The following TRDN variants were observed in gnomAD, a reference collection of about 807,000 sequenced individuals.
TRDN encodes triadin in skeletal muscle.
In TRDN, 161 loss-of-function variants were observed where a neutral mutation model predicts 149.7. That is an observed-to-expected ratio of 1.08 (90% confidence interval 0.95 to 1.23). The LOEUF (loss-of-function observed/expected upper bound fraction) is 1.23, where lower values mean the gene tolerates loss of function less well. Ranked by LOEUF, TRDN falls within the 50% of genes most tolerant of loss-of-function variation. The pLI is 0.00. For synonymous variants in TRDN, 294 were observed against 250.5 expected, an observed-to-expected ratio of 1.17 and a Z score of -1.64; for missense variants, 896 against 823.5, an observed-to-expected ratio of 1.09 and a Z score of -1.08.
intron 27 of TRDN, among the ~76,000 whole-genome samples, 167 bp downstream of exon 27, chr6:123,274,474 A>T (rs1030186945): frequency 6.6e-6 from 1 of 152,028 alleles, no homozygotes; most frequent in African/African-American, 2.4e-5. Context: ...TCCCATTCTC[A>T]CCTAATCCAG....
At chr6:123,382,676 T>G (rs1407638821) in intron 14 of TRDN, among the ~76,000 whole-genome samples, 2 of 152,028 alleles carry the variant, frequency 1.3e-5, no homozygotes, top group Non-Finnish European at 2.9e-5. Flanking sequence ...AGATTACTGT[T>G]GACTCATGGG....
chr6:123,220,745 G>A (rs1775117313), intron 40 of TRDN, among the ~76,000 whole-genome samples: 1 of 151,718 alleles, frequency 6.6e-6, no homozygotes, highest in Non-Finnish European at 1.5e-5. Flanking sequence ...AAGCACTGGA[G>A]AATCAAGAGA....
At chr6:123,556,649 TTCC>T (rs1177259583) in intron 2 of TRDN, among the ~76,000 whole-genome samples, 1 of 151,664 alleles carries the variant, frequency 6.6e-6, no homozygotes, top group East Asian at 1.9e-4. Flanking sequence ...CTTCTTCTTC[TTCC>T]TCTTCCTCTT....
At chr6:123,225,356 T>C (rs1329166540) in intron 38 of TRDN, among the ~76,000 whole-genome samples, 1 of 151,682 alleles carries the variant, frequency 6.6e-6, no homozygotes, top group Non-Finnish European at 1.5e-5. Flanking sequence ...TATTTATTTA[T>C]TTTACCACTA....
chr6:123,525,234 A>T (rs1293680631), intron 5 of TRDN, among the ~76,000 whole-genome samples: 11 of 152,048 alleles, frequency 7.2e-5, no homozygotes, highest in Non-Finnish European at 1.2e-4. Flanking sequence ...ATCATTATAT[A>T]AAAAAGACAC....
chr6:123,462,063 T>C (rs979463207), intron 10 of TRDN, among the ~76,000 whole-genome samples: 12 of 152,196 alleles, frequency 7.9e-5, no homozygotes, highest in Admixed American at 2.0e-4. Context: ...TTTACAACAA[T>C]GACCACAATG....
intron 24 of TRDN, among the ~76,000 whole-genome samples, chr6:123,305,000 A>G (rs1778556870): frequency 6.6e-6 from 1 of 152,184 alleles, no homozygotes; most frequent in South Asian, 2.1e-4. Flanking sequence ...AAATTTAAAA[A>G]CTATTTGCAA....
At chr6:123,579,295 A>T (rs2114571538) in intron 1 of TRDN, among the ~76,000 whole-genome samples, 1 of 152,224 alleles carries the variant, frequency 6.6e-6, no homozygotes, top group East Asian at 1.9e-4. Context: ...GATGGCTCTT[A>T]TTATTTTGAG....
intron 9 of TRDN, among the ~76,000 whole-genome samples, chr6:123,481,199 T>A (rs1777731851): frequency 6.6e-6 from 1 of 152,076 alleles, no homozygotes; most frequent in Non-Finnish European, 1.5e-5. Context: ...ATTTGTGCTG[T>A]GAAGTATGAG....
chr6:123,237,837 A>G (rs1366149404), intron 38 of TRDN, among the ~76,000 whole-genome samples: 1 of 152,206 alleles, frequency 6.6e-6, no homozygotes, highest in East Asian at 1.9e-4. Context: ...CCAACAAACT[A>G]TAGTAACACT....
intron 2 of TRDN, among the ~76,000 whole-genome samples, chr6:123,559,116 C>A (rs889534929): frequency 6.6e-6 from 1 of 152,204 alleles, no homozygotes; most frequent in Non-Finnish European, 1.5e-5. Context: ...CTGACACTGC[C>A]CGATCACCTC....
chr6:123,342,827 C>T (rs1031740004), intron 21 of TRDN, among the ~76,000 whole-genome samples: 5 of 152,014 alleles, frequency 3.3e-5, no homozygotes, highest in South Asian at 2.1e-4. Flanking sequence ...CAAATAACAT[C>T]AATGTTCTTC....
At chr6:123,260,193 A>C (rs1260111350) in intron 34 of TRDN, among the ~76,000 whole-genome samples, 1 of 152,050 alleles carries the variant, frequency 6.6e-6, no homozygotes, top group Non-Finnish European at 1.5e-5. Flanking sequence ...AAAAAAAACT[A>C]CATGTTACAT....
intron 1 of TRDN, among the ~76,000 whole-genome samples, chr6:123,623,032 C>T (rs1312757274): frequency 1.3e-5 from 2 of 152,124 alleles, no homozygotes; most frequent in African/African-American, 2.4e-5. Flanking sequence ...TCAAATTATG[C>T]TGTCACTTTG....
intron 24 of TRDN, among the ~76,000 whole-genome samples, chr6:123,312,872 C>A (rs1218549097): frequency 6.6e-6 from 1 of 151,900 alleles, no homozygotes; most frequent in East Asian, 1.9e-4. Flanking sequence ...TATCTTACCA[C>A]TTGTTTGTAA....
intron 5 of TRDN, among the ~76,000 whole-genome samples, chr6:123,524,419 A>G (rs919456818): frequency 6.6e-6 from 1 of 152,178 alleles, no homozygotes; most frequent in African/African-American, 2.4e-5. Context: ...GATGGCTTAA[A>G]TAGAATGCTA....
intron 1 of TRDN, among the ~76,000 whole-genome samples, chr6:123,634,489 G>A (rs1786188449): frequency 6.6e-6 from 1 of 151,720 alleles, no homozygotes; most frequent in Non-Finnish European, 1.5e-5. Context: ...TATAGCAGAT[G>A]AGATAAAATA....
In TRDN at chr6:123,394,085, A is replaced by C. The variant is rs559273082; in HGVS notation, c.1052-408T>G. On this transcript the variant is annotated intron_variant, in intron 12 of 40. Coordinates refer to ENST00000334268, the MANE Select transcript of TRDN (RefSeq NM_006073.4). Reference sequence around the variant, plus strand: ...AGGTCCCTTAGTGACTAATGTGAGAATAAAGCCTGAAACAACCAATCCCAA... The same window carrying C: ...AGGTCCCTTAGTGACTAATGTGAGACTAAAGCCTGAAACAACCAATCCCAA... Among the ~76,000 whole-genome samples, 5 of 152,286 alleles carry C rather than the reference A, an allele frequency of 3.3e-5. No individual in the cohort carries two copies. In the East Asian group the frequency reaches 9.7e-4, roughly 29 times the overall value.
At chr6:123,327,209 G>A (rs1334920791) in intron 23 of TRDN, among the ~76,000 whole-genome samples, 6 of 151,832 alleles carry the variant, frequency 4.0e-5, no homozygotes, top group African/African-American at 1.2e-4. Flanking sequence ...TTCTGGGCTC[G>A]CTGTTATGTT....
Sources: gnomAD v4.1 joint callset for allele counts (sites outside exome capture counted in the v4.1 genomes callset) on GRCh38, gnomAD v4.1.1 for gene constraint, MANE v1.5 for transcripts, NCBI Gene and HGNC (gene_info 2026-07-23, HGNC 2026-07-21) for gene names.